Variants in ZBTB46 observed in about 807,000 individuals in gnomAD.
The protein encoded by ZBTB46 is zinc finger and BTB domain containing 46, also known as zinc finger and BTB domain-containing protein 46.
ZBTB46 carries 8 observed loss-of-function variants against 44.1 expected under a neutral mutation model. The ratio of observed to expected loss-of-function variants is 0.18; its 90% CI spans 0.11 to 0.33. The LOEUF (loss-of-function observed/expected upper bound fraction) is 0.33, where lower values mean the gene tolerates loss of function less well. ZBTB46 is among the 10% of genes least tolerant of loss of function. ZBTB46 has a pLI of 1.00. For synonymous variants in ZBTB46, 409 were observed against 382.3 expected, an observed-to-expected ratio of 1.07 and a Z score of -0.81; for missense variants, 651 against 847.7, an observed-to-expected ratio of 0.77 and a Z score of 2.88.
At chr20:63,774,772 C>T (rs1419781514) in intron 3 of ZBTB46, among the ~76,000 whole-genome samples, 17 of 149,198 alleles carry the variant, frequency 1.1e-4, no homozygotes, top group African/African-American at 2.9e-4. Flanking sequence ...GGCGCGATCT[C>T]GGCTCACTGC....
At chr20:63,770,264 C>T (rs1450755006) in intron 3 of ZBTB46, among the ~76,000 whole-genome samples, 4 of 152,296 alleles carry the variant, frequency 2.6e-5, no homozygotes, top group South Asian at 2.1e-4. Context: ...AGGAGATCAG[C>T]GCCAGCCCAG....
At chr20:63,749,645 G>C (rs938435012) in intron 4 of ZBTB46, among the ~76,000 whole-genome samples, 4 of 152,218 alleles carry the variant, frequency 2.6e-5, no homozygotes, top group Non-Finnish European at 4.4e-5. Context: ...CTGTTTTGCT[G>C]TATTTTAAAC....
At chr20:63,750,073 C>A (rs893496794) in intron 4 of ZBTB46, among the ~76,000 whole-genome samples, 5 of 152,236 alleles carry the variant, frequency 3.3e-5, no homozygotes, top group African/African-American at 1.2e-4. Flanking sequence ...GGAGGGGCCA[C>A]CCAGGCCAGG....
chr20:63,765,116 T>C (rs964776066), intron 3 of ZBTB46, among the ~76,000 whole-genome samples: 2 of 151,784 alleles, frequency 1.3e-5, no homozygotes, highest in Admixed American at 6.6e-5. Flanking sequence ...TGTGTGTGTG[T>C]GTGCGTGTGT....
intron 2 of ZBTB46, among the ~76,000 whole-genome samples, chr20:63,776,671 GC>G (rs1482716093): frequency 3.3e-5 from 5 of 152,076 alleles, no homozygotes; most frequent in South Asian, 2.1e-4. Context: ...GGGCGTGGTG[GC>G]ACGTGCCTGT....
rs144628177 is a variant in ZBTB46 at position 63,797,939 on chromosome 20, G to A, written c.-33-7149C>T. Among the ~76,000 whole-genome samples the A allele has an allele frequency of 6.6e-5, 10 of 152,220 alleles. No homozygotes were observed. In the East Asian group the frequency reaches 1.2e-3, roughly 18 times the overall value. ...TGAGTAGATTGCAAAAATTTCCTCCGATTCTGTAGGTTGCCTGTTCACTCT... is the reference window on the plus strand; with the variant it reads ...TGAGTAGATTGCAAAAATTTCCTCCAATTCTGTAGGTTGCCTGTTCACTCT... On this transcript the variant is annotated intron_variant, in intron 1 of 4. Coordinates refer to ENST00000245663, the MANE Select transcript of ZBTB46 (RefSeq NM_001369741.1).
chr20:63,813,934 G>A (rs911190116), intron 1 of ZBTB46, among the ~76,000 whole-genome samples: 2 of 152,084 alleles, frequency 1.3e-5, no homozygotes, highest in East Asian at 3.9e-4. Flanking sequence ...AAACACTTGA[G>A]AGAAAAAACA....
chr20:63,773,708 T>C (rs1235510585), intron 3 of ZBTB46, among the ~76,000 whole-genome samples: 1 of 151,946 alleles, frequency 6.6e-6, no homozygotes, highest in Non-Finnish European at 1.5e-5. Context: ...GGGAGGGTAG[T>C]GAGGGAGGCC....
intron 1 of ZBTB46, among the ~76,000 whole-genome samples, chr20:63,802,926 C>T (rs895126452): frequency 3.9e-5 from 6 of 152,230 alleles, no homozygotes; most frequent in African/African-American, 1.4e-4. Flanking sequence ...GCCTCCAGGA[C>T]TGGAGGGAAC....
intron 2 of ZBTB46, among the ~76,000 whole-genome samples, chr20:63,778,581 C>T (rs1601447793): frequency 1.3e-5 from 2 of 152,144 alleles, no homozygotes. Flanking sequence ...TGGGCAGGGC[C>T]CCCGTCAGGC....
At chr20:63,793,246 G>A (rs955531287) in intron 1 of ZBTB46, among the ~76,000 whole-genome samples, 8 of 152,216 alleles carry the variant, frequency 5.3e-5, no homozygotes, top group Admixed American at 6.5e-5. Context: ...AGGAGCTGCC[G>A]AAAAGGAAGA....
chr20:63,746,944 C>G lies in ZBTB46; in HGVS notation c.1756G>C (p.Ala586Pro), dbSNP rs747229921. Residue 586 changes from alanine (A) to proline (P), a missense_variant, in exon 5 of 5, where the codon GCC (alanine) becomes CCC (proline). By Grantham distance (27) the Ala-to-Pro change is conservative. Transcript: ENST00000245663. ...GGCGGGCGGGCCTAGGAGAGCCAGG[C>G]GAAGTCCTTGTCAGGGCCTCCTGGG... The part of the protein sequence containing the change: ...SPPGGPDKDF[A>P]WLS 6.4e-7 allele frequency: 1 copy of G among 1,563,692 alleles called. No homozygotes were observed. Among genetic ancestry groups the G allele is most frequent in the African/African-American group, 1.4e-5 (1 of 74,048 alleles).
intron 1 of ZBTB46, among the ~76,000 whole-genome samples, chr20:63,816,998 G>C (rs965244814): frequency 2.6e-5 from 4 of 152,138 alleles, no homozygotes; most frequent in African/African-American, 9.7e-5. Flanking sequence ...CAGCTACTCA[G>C]GAAGGCTGAG....
intron 3 of ZBTB46, among the ~76,000 whole-genome samples, chr20:63,754,346 C>G (rs2092199862): frequency 1.3e-5 from 2 of 152,232 alleles, no homozygotes; most frequent in South Asian, 4.1e-4. Flanking sequence ...CTCACCCTGA[C>G]AGCGCCTGGT....
At chr20:63,813,714 C>T (rs1190757688) in intron 1 of ZBTB46, among the ~76,000 whole-genome samples, 1 of 152,126 alleles carries the variant, frequency 6.6e-6, no homozygotes. Flanking sequence ...AGAGAAGAAA[C>T]GCAACTTCAG....
chr20:63,747,547 C>CAGGGCCTGGTGGGTGGGGGTGGGGCA (rs529992195), intron 4 of ZBTB46, among the ~76,000 whole-genome samples: 1 of 10,512 alleles, frequency 9.5e-5, no homozygotes, highest in African/African-American at 3.4e-4. Context: ...GGGGGGGGTG[C>CAGGGCCTGGTGGGTGGGGGTGGGGCA]GGGGGTGAGC....
rs1436939062 is a variant in ZBTB46 at position 63,752,441 on chromosome 20, G to A, written c.1398+245C>T. 6.6e-6 allele frequency among the ~76,000 whole-genome samples: 1 copy of A among 152,040 alleles called. No individual in the cohort carries two copies. The highest frequency in any genetic ancestry group is 2.4e-5 in the African/African-American group (1 of 41,414). On this transcript the variant is annotated intron_variant, in intron 4 of 4. Transcript: ENST00000245663. The surrounding 1 kb of genome is among the most constrained non-coding windows in gnomAD (Gnocchi z 5.6). The stretch of plus-strand genomic sequence containing the variant: ...GAGTTTGCCGAGGCCTGGCTGCCTT[G>A]GCGGCCAGCAGGTGAGCAGGGTGGG...
At chr20:63,826,254 G>A (rs532726777) in intron 1 of ZBTB46, among the ~76,000 whole-genome samples, 4 of 152,386 alleles carry the variant, frequency 2.6e-5, no homozygotes, top group South Asian at 2.1e-4. Flanking sequence ...AATGCTGCCC[G>A]ACTTTCAGAT....
chr20:63,790,904 GA>G, intron 1 of ZBTB46, 114 bp from the exon 2 acceptor site: 1 of 1,393,902 alleles, frequency 7.2e-7, no homozygotes, highest in Non-Finnish European at 9.4e-7. Context: ...GTGGGAGGAC[GA>G]CCCACGCGAG....
Sources: gnomAD v4.1 joint callset for allele counts (sites outside exome capture counted in the v4.1 genomes callset) on GRCh38, gnomAD v4.1.1 for gene constraint, Gnocchi (gnomAD v3.1) non-coding constraint, MANE v1.5 for transcripts, NCBI Gene and HGNC (gene_info 2026-07-23, HGNC 2026-07-21) for gene names.